SYNPR: variants seen among roughly 807,000 people sequenced by gnomAD.
SYNPR encodes the protein synaptoporin.
A neutral mutation model predicts 32.9 loss-of-function variants in SYNPR; 23 were observed. The observed-to-expected ratio is 0.70, with a 90% CI of 0.50 to 0.99. SYNPR has a LOEUF of 0.99. Ranked by LOEUF, SYNPR falls within the 50% of genes least tolerant of loss-of-function variation. The pLI is 0.00. For synonymous variants in SYNPR, 146 were observed against 135.9 expected, an observed-to-expected ratio of 1.07 and a Z score of -0.52; for missense variants, 318 against 349.3, an observed-to-expected ratio of 0.91 and a Z score of 0.71.
chr3:63,348,362 T>C (rs1393782721), intron 2 of SYNPR, among the ~76,000 whole-genome samples: 1 of 152,218 alleles, frequency 6.6e-6, no homozygotes, highest in Admixed American at 6.5e-5. Flanking sequence ...CTTTGCCCAC[T>C]TTTTAATGGG....
chr3:63,367,738 G>A (rs984325696), intron 2 of SYNPR, among the ~76,000 whole-genome samples: 39 of 152,212 alleles, frequency 2.6e-4, no homozygotes, highest in Non-Finnish European at 4.8e-4. Context: ...CAGGCCCAGA[G>A]ATGGTAAGTG....
chr3:63,315,297 T>C (rs1044331910), intron 2 of SYNPR, among the ~76,000 whole-genome samples: 8 of 152,026 alleles, frequency 5.3e-5, no homozygotes, highest in Non-Finnish European at 7.4e-5. Flanking sequence ...TTGATGAGGA[T>C]TGCATTGAAT....
At chr3:63,409,040 A>G (rs2088426534) in intron 2 of SYNPR, among the ~76,000 whole-genome samples, 2 of 151,976 alleles carry the variant, frequency 1.3e-5, no homozygotes, top group Non-Finnish European at 2.9e-5. Flanking sequence ...AACCAGGTGA[A>G]CCTTGTCCTG....
At chr3:63,486,286 T>C (rs1701148784) in intron 3 of SYNPR, among the ~76,000 whole-genome samples, 1 of 152,148 alleles carries the variant, frequency 6.6e-6, no homozygotes, top group African/African-American at 2.4e-5. Context: ...AGGCAAGAAA[T>C]GCTGGGGAGT....
intron 2 of SYNPR, among the ~76,000 whole-genome samples, chr3:63,326,657 C>G (rs1057350499): frequency 9.9e-5 from 15 of 152,102 alleles, no homozygotes; most frequent in African/African-American, 3.1e-4. Flanking sequence ...GGTCTTCTAT[C>G]TTCTCATAGT....
chr3:63,210,847 C>A, the SYNPR span, among the ~76,000 whole-genome samples: 1 of 151,752 alleles, frequency 6.6e-6, no homozygotes, highest in South Asian at 2.1e-4. Flanking sequence ...GTTCTCCTCA[C>A]TTCCTTTTTA....
At chr3:63,474,234 A>G (rs1365754691) in intron 2 of SYNPR, among the ~76,000 whole-genome samples, 3 of 152,156 alleles carry the variant, frequency 2.0e-5, no homozygotes, top group African/African-American at 7.2e-5. Context: ...CTGCCAGGGA[A>G]TTAGCTCCTG....
the SYNPR span, among the ~76,000 whole-genome samples, chr3:63,204,848 C>T: frequency 1.3e-5 from 2 of 152,056 alleles, no homozygotes; most frequent in African/African-American, 2.4e-5. Flanking sequence ...CCACCATGCC[C>T]GGCTAATTTT....
chr3:63,277,130 T>C (rs1396920961), upstream of SYNPR, among the ~76,000 whole-genome samples: 1 of 152,164 alleles, frequency 6.6e-6, no homozygotes, highest in African/African-American at 2.4e-5. Context: ...CTTCTTCTTT[T>C]GTTTTTCTGA....
intron 4 of SYNPR, among the ~76,000 whole-genome samples, chr3:63,602,264 G>A (rs1449886334): frequency 1.3e-5 from 2 of 152,104 alleles, no homozygotes; most frequent in African/African-American, 4.8e-5. Context: ...CAGATGCACA[G>A]TCTGCAAATA....
At chr3:63,290,639 C>CATGCAGAT (rs1416915916) in intron 2 of SYNPR, among the ~76,000 whole-genome samples, 1 of 152,036 alleles carries the variant, frequency 6.6e-6, no homozygotes, top group Admixed American at 6.6e-5. Flanking sequence ...GTTGTTGAAA[C>CATGCAGAT]ATGCAGATAC....
upstream of SYNPR, among the ~76,000 whole-genome samples, chr3:63,225,219 C>T (rs1420735838): frequency 6.6e-6 from 1 of 152,180 alleles, no homozygotes; most frequent in Non-Finnish European, 1.5e-5. Context: ...GTTATTGACA[C>T]AGCATCAATA....
Position 63,480,905 on chromosome 3 carries a change from A to G in SYNPR, c.158A>G (p.Asn53Ser), listed in dbSNP as rs1357671788. The G allele has an allele frequency of 6.2e-7, 1 of 1,613,514 alleles. No individual in the cohort carries two copies. The highest frequency in any genetic ancestry group is 8.5e-7 in the Non-Finnish European group (1 of 1,179,624). ...CTGCGGCTGAGTGTGGACTGCGTCA[A>G]CAAGACAGAAAGTAACCTCAGCATC... ...GGLRLSVDCV[N>S]KTESNLSIDI... The change falls in exon 3 of 6, where the codon AAC (asparagine) becomes AGC (serine). Residue 53 changes from asparagine to serine, a missense_variant. Physicochemically the swap from Asn to Ser is conservative, Grantham distance 46. Transcript: ENST00000478300.
intron 2 of SYNPR, among the ~76,000 whole-genome samples, chr3:63,394,791 G>C (rs1011101530): frequency 3.3e-5 from 5 of 152,222 alleles, no homozygotes; most frequent in African/African-American, 1.2e-4. Context: ...TATGTTCAGA[G>C]AAGCAAAAGT....
chr3:63,303,873 C>T (rs561544326), intron 2 of SYNPR, among the ~76,000 whole-genome samples: 7 of 151,958 alleles, frequency 4.6e-5, no homozygotes, highest in South Asian at 2.1e-4. Flanking sequence ...TCCCATAGAG[C>T]GGAATGGTCC....
intron 3 of SYNPR, among the ~76,000 whole-genome samples, chr3:63,533,823 A>T (rs1169604856): frequency 6.6e-6 from 1 of 152,110 alleles, no homozygotes; most frequent in Non-Finnish European, 1.5e-5. Context: ...TATCGAATAG[A>T]CCCTTCCATA....
At chr3:63,468,789 A>T (rs1044201628) in intron 2 of SYNPR, among the ~76,000 whole-genome samples, 3 of 152,190 alleles carry the variant, frequency 2.0e-5, no homozygotes, top group Admixed American at 2.0e-4. Flanking sequence ...TGACAGAGGG[A>T]GATTCTGTCT....
At chr3:63,585,104 G>C (rs920764754) in intron 4 of SYNPR, among the ~76,000 whole-genome samples, 2 of 151,980 alleles carry the variant, frequency 1.3e-5, no homozygotes, top group Non-Finnish European at 2.9e-5. Context: ...GAATAATTCT[G>C]GGGGCAGGGA....
chr3:63,505,151 T>C (rs886496776), intron 3 of SYNPR, among the ~76,000 whole-genome samples: 2 of 152,164 alleles, frequency 1.3e-5, no homozygotes, highest in African/African-American at 4.8e-5. Context: ...TTTAGACACA[T>C]GTAATTTTCA....
Sources: gnomAD v4.1 joint callset for allele counts (sites outside exome capture counted in the v4.1 genomes callset) on GRCh38, gnomAD v4.1.1 for gene constraint, MANE v1.5 for transcripts, NCBI Gene and HGNC (gene_info 2026-07-23, HGNC 2026-07-21) for gene names.